MYH9: variants seen among roughly 807,000 people sequenced by gnomAD.
MYH9 encodes the protein myosin-9.
In MYH9, 29 loss-of-function variants were observed where a neutral mutation model predicts 241.9. The ratio of observed to expected loss-of-function variants is 0.12; its 90% CI spans 0.09 to 0.16. The LOEUF is 0.16. Among genes scored for constraint, MYH9 ranks in the 10% least tolerant of loss-of-function variants. The pLI is 1.00. For synonymous variants in MYH9, 1,047 were observed against 1,062.6 expected, an observed-to-expected ratio of 0.99 and a Z score of 0.29; for missense variants, 1,803 against 2,595.5, an observed-to-expected ratio of 0.69 and a Z score of 6.63.
chr22:36,297,557 T>G (rs1036727179), intron 24 of MYH9, among the ~76,000 whole-genome samples: 1 of 152,188 alleles, frequency 6.6e-6, no homozygotes, highest in Non-Finnish European at 1.5e-5. Flanking sequence ...CCTAGAACAG[T>G]GCCTGCCTCG....
chr22:36,305,558 C>T lies in MYH9; in HGVS notation c.2159+372G>A, dbSNP rs1394984124. The stretch of plus-strand genomic sequence containing the variant: ...ACAGGAAGGTGTCGCCGTCTTCGCA[C>T]ACAGCAACGCACGGCCGTGTTTCAT... On this transcript the variant is annotated intron_variant, in intron 17 of 40. Transcript: ENST00000216181. The surrounding 1 kb of genome is among the most constrained non-coding windows in gnomAD (Gnocchi z 4.7). Among the ~76,000 whole-genome samples the T allele has an allele frequency of 2.6e-5, 4 of 152,230 alleles. No homozygotes were observed. The East Asian group carries it at 7.7e-4, about 29-fold the overall frequency.
chr22:36,333,668 T>C (rs1477335589), intron 3 of MYH9, among the ~76,000 whole-genome samples: 2 of 152,248 alleles, frequency 1.3e-5, no homozygotes, highest in African/African-American at 4.8e-5. Context: ...TCTTTAGTTG[T>C]AGGGAATTAC....
intron 3 of MYH9, among the ~76,000 whole-genome samples, chr22:36,339,795 G>A (rs1213554640): frequency 1.3e-5 from 2 of 152,110 alleles, no homozygotes; most frequent in Non-Finnish European, 2.9e-5. Flanking sequence ...CTGAAAATTG[G>A]GTTTGAGTCA....
intron 14 of MYH9, among the ~76,000 whole-genome samples, chr22:36,310,108 G>A (rs1368927868): frequency 6.6e-6 from 1 of 152,036 alleles, no homozygotes; most frequent in African/African-American, 2.4e-5. Context: ...AAATTAGCCG[G>A]GCGTGGTGGC....
Position 36,322,573 on chromosome 22 carries a change from G to A in MYH9, c.613-52C>T, listed in dbSNP as rs572161268. 2.6e-4 allele frequency: 397 copies of A among 1,554,580 alleles called. 6 individuals are homozygous for A. In the South Asian group the frequency reaches 3.2e-3, roughly 13 times the overall value. On this transcript the variant is annotated intron_variant, in intron 5 of 40. Coordinates refer to ENST00000216181, the MANE Select transcript of MYH9 (RefSeq NM_002473.6). ...AGGCCGGGCAGCGACCTGGGCTGCC[G>A]AGCCTGCCCTGCCTGGAAGGGGGAC...
intron 1 of MYH9, among the ~76,000 whole-genome samples, chr22:36,355,650 T>C (rs1184057146): frequency 6.6e-6 from 1 of 152,192 alleles, no homozygotes; most frequent in Non-Finnish European, 1.5e-5. Context: ...CTGCATGTTC[T>C]CACTCAATCC....
At position 36,293,787 on chromosome 22, in the gene MYH9, G is replaced by A. The variant is rs141904682; in HGVS notation, c.3914C>T (p.Ala1305Val). ...AGTGTCCTGCAGCTGGGACTCCAGC[G>A]CGGAGAAGTCCTTGGTGAGCTTGCT... ...KSSKLTKDFS[A>V]LESQLQDTQE... The change falls in exon 29 of 41, where the codon GCG becomes GTG. Residue 1305 changes from alanine (A) to valine (V), a missense_variant. By Grantham distance (64) the Ala-to-Val change is moderately conservative (BLOSUM62 0). Coordinates refer to ENST00000216181, the MANE Select transcript of MYH9 (RefSeq NM_002473.6). The surrounding 1 kb of genome is among the most constrained non-coding windows in gnomAD (Gnocchi z 5.1). 1.8e-5 allele frequency: 29 copies of A among 1,613,830 alleles called. 1 individual carries two copies. The highest frequency in any genetic ancestry group is 4.4e-5 in the South Asian group (4 of 91,062).
intron 5 of MYH9, among the ~76,000 whole-genome samples, chr22:36,325,896 A>T (rs1399645688): frequency 6.6e-6 from 1 of 152,238 alleles, no homozygotes; most frequent in Non-Finnish European, 1.5e-5. Flanking sequence ...CTAAAAGAAG[A>T]GTTCTAGCTG....
intron 18 of MYH9, 150 bp downstream of exon 18, chr22:36,304,883 C>T (rs1323133743): frequency 5.2e-6 from 4 of 774,130 alleles, no homozygotes; most frequent in Admixed American, 2.0e-5. Context: ...CTGCAAAGGG[C>T]GCCCGGCAGA....
At chr22:36,302,540 C>A (rs2146345059) in intron 20 of MYH9, 28 bp downstream of exon 20, 3 of 1,582,278 alleles carry the variant, frequency 1.9e-6, no homozygotes, top group Non-Finnish European at 1.7e-6. Context: ...GTAGTCCCAG[C>A]TACTCAGGAG....
intron 2 of MYH9, among the ~76,000 whole-genome samples, chr22:36,342,467 C>A (rs1369676018): frequency 6.6e-6 from 1 of 152,204 alleles, no homozygotes; most frequent in Non-Finnish European, 1.5e-5. Flanking sequence ...CCATTTCCAA[C>A]AGCAACAGTT....
In MYH9 at chr22:36,309,454, G is replaced by A. The variant is rs550837343; in HGVS notation, c.1729-58C>T. Reference sequence around the variant, plus strand: ...TGCGCTGGGGACATGTGTGCTCACAGGGTCTCCGGAGCACAGGCTAACCCC... The same window carrying A: ...TGCGCTGGGGACATGTGTGCTCACAAGGTCTCCGGAGCACAGGCTAACCCC... On this transcript the variant is annotated intron_variant, in intron 14 of 40. Coordinates refer to ENST00000216181, the MANE Select transcript of MYH9 (RefSeq NM_002473.6). The A allele has an allele frequency of 2.8e-4, 365 of 1,311,290 alleles. 5 individuals carry two copies. The South Asian group carries it at 4.1e-3, about 15-fold the overall frequency. The allele number at this position is 1,311,290 out of a possible 1,614,324, so 81.2% of individuals were successfully genotyped here. A position where few individuals can be genotyped will look rare whatever the true frequency, so the allele number is the denominator to read the frequency against.
At position 36,294,114 on chromosome 22, in the gene MYH9, G is replaced by A. The variant is rs1234398262; in HGVS notation, c.3815C>T (p.Ala1272Val). The A allele has an allele frequency of 1.2e-6, 2 of 1,610,026 alleles. No homozygotes were observed. The highest frequency in any genetic ancestry group is 1.7e-6 in the Non-Finnish European group (2 of 1,179,998). The change falls in exon 28 of 41, where the codon GCC (alanine) becomes GTC (valine). Residue 1272 changes from alanine (A) to valine (V), a missense_variant. Physicochemically the swap from Ala to Val is moderately conservative, Grantham distance 64. Around this residue, in one of 11 missense-constraint regions of MYH9, gnomAD observed 876 missense variants for 1,077.8 expected, o/e 0.81. Coordinates refer to ENST00000216181, the MANE Select transcript of MYH9 (RefSeq NM_002473.6). Reference protein sequence around the residue: ...NEGERVRTELADKVTKLQVEL... With the variant: ...NEGERVRTELVDKVTKLQVEL... ...CACCTGCAGCTTGGTGACCTTGTCG[G>A]CCAGCTCTGTGCGCACGCGCTCTCC...
rs965196176 is a variant in MYH9 at position 36,308,270 on chromosome 22, A to G, written c.1843+1012T>C. On this transcript the variant is annotated intron_variant, in intron 15 of 40. Coordinates refer to ENST00000216181, the MANE Select transcript of MYH9 (RefSeq NM_002473.6). ...TTTAAACAATTTTTGCTGTTTTAAG[A>G]TTTTTTTTTTTTTTTGAGGCAGGGT... Among the ~76,000 whole-genome samples, 21 of 143,684 alleles carry G rather than the reference A, an allele frequency of 1.5e-4. 1 individual carries two copies. The highest frequency in any genetic ancestry group is 6.6e-3 in the Middle Eastern group (2 of 302). The allele number at this position is 143,684 out of a possible 152,430, so 94.3% of individuals were successfully genotyped here.
At chr22:36,289,433 A>T in intron 31 of MYH9, 136 bp from the exon 32 acceptor site, 1 of 767,366 alleles carries the variant, frequency 1.3e-6, no homozygotes, top group Non-Finnish European at 2.1e-6. Flanking sequence ...GCACAGGCCC[A>T]GGGCTGTGCC....
chr22:36,294,385 A>T, intron 27 of MYH9, 87 bp from the exon 28 acceptor site: 1 of 1,435,600 alleles, frequency 7.0e-7, no homozygotes, highest in Non-Finnish European at 9.7e-7. Context: ...AGATCCAGAC[A>T]TCGCTGCTTC....
In MYH9 at chr22:36,282,625, G is replaced by A. The variant is rs765439435; in HGVS notation, c.*43C>T. The A allele has an allele frequency of 1.1e-5, 18 of 1,570,242 alleles. No homozygotes were observed. The highest frequency in any genetic ancestry group is 1.7e-5 in the Admixed American group (1 of 60,010). On this transcript the variant is annotated 3_prime_UTR_variant, in exon 41 of 41. Coordinates refer to ENST00000216181, the MANE Select transcript of MYH9 (RefSeq NM_002473.6). The stretch of plus-strand genomic sequence containing the variant: ...GCGGGGTCTGGGAAGGGGAGGCTGT[G>A]GTGTCTGTCTGTCCATCCATCTCAG...
At position 36,295,169 on chromosome 22, in the gene MYH9, G is replaced by T; in HGVS notation, c.3486-93C>A. 6.4e-7 allele frequency: 1 copy of T among 1,562,880 alleles called. No individual in the cohort carries two copies. The highest frequency in any genetic ancestry group is 8.8e-7 in the Non-Finnish European group (1 of 1,138,306). ...CCCTGACCAAAGAGAGGCCTGGCCAGGGCACAGGCACTCCAGGCAGCTTTT... is the reference window on the plus strand; with the variant it reads ...CCCTGACCAAAGAGAGGCCTGGCCATGGCACAGGCACTCCAGGCAGCTTTT... On this transcript the variant is annotated intron_variant, in intron 26 of 40. Coordinates refer to ENST00000216181, the MANE Select transcript of MYH9 (RefSeq NM_002473.6). This position sits in a 1 kb window ranked among gnomAD's most constrained non-coding sequence, Gnocchi z 4.1.
At chr22:36,308,971 T>G (rs1443319249) in intron 15 of MYH9, 1 of 639,732 alleles carries the variant, frequency 1.6e-6, no homozygotes, top group South Asian at 7.0e-5. Flanking sequence ...TACCAAGGAG[T>G]AGAGGCGGGA....
Sources: allele counts gnomAD v4.1 joint callset (sites outside exome capture counted in the v4.1 genomes callset), GRCh38; gene constraint gnomAD v4.1.1; regional missense constraint gnomAD v4.1.1; non-coding constraint Gnocchi (gnomAD v3.1); transcripts MANE v1.5; gene names NCBI Gene and HGNC (gene_info 2026-07-23, HGNC 2026-07-21).